The following NLGN1 variants were observed in gnomAD, a reference collection of about 807,000 sequenced individuals.
The protein encoded by NLGN1 is neuroligin 1.
NLGN1 carries 12 observed loss-of-function variants against 65.5 expected under a neutral mutation model. That is an observed-to-expected ratio of 0.18 (90% CI 0.12 to 0.30). The LOEUF is 0.30. Ranked by LOEUF, NLGN1 falls within the 10% of genes least tolerant of loss-of-function variation. NLGN1 has a pLI of 1.00. For synonymous variants in NLGN1, 350 were observed against 359.5 expected, an observed-to-expected ratio of 0.97 and a Z score of 0.30; for missense variants, 750 against 1,007.1, an observed-to-expected ratio of 0.74 and a Z score of 3.46.
At chr3:174,022,222 G>C (rs538919016) in intron 4 of NLGN1, among the ~76,000 whole-genome samples, 15 of 152,260 alleles carry the variant, frequency 9.9e-5, no homozygotes, top group Non-Finnish European at 1.9e-4. Flanking sequence ...TCTCTCTTCA[G>C]TCTGAATAAA....
chr3:173,803,639 A>T (rs1385326114), intron 3 of NLGN1, among the ~76,000 whole-genome samples: 1 of 150,190 alleles, frequency 6.7e-6, no homozygotes, highest in East Asian at 2.0e-4. Context: ...TTTATATACT[A>T]TATAGTTCAA....
chr3:174,167,514 A>G (rs1727716936), intron 4 of NLGN1, among the ~76,000 whole-genome samples: 1 of 150,338 alleles, frequency 6.7e-6, no homozygotes, highest in South Asian at 2.1e-4. Flanking sequence ...TATTCTCGCA[A>G]TCTCTCTTGG....
chr3:173,510,570 G>A (rs889120587), intron 2 of NLGN1, among the ~76,000 whole-genome samples: 1 of 152,184 alleles, frequency 6.6e-6, no homozygotes, highest in Non-Finnish European at 1.5e-5. Context: ...TGTTGGAAAT[G>A]TATTAATTAT....
Position 173,625,091 on chromosome 3 carries a change from A to G in NLGN1, c.493+20000A>G, listed in dbSNP as rs186706357. On this transcript the variant is annotated intron_variant, in intron 3 of 6. Transcript: ENST00000457714. ...GTCCTCAATTGTTTCTGGATTTACT[A>G]TAATACATTTAAACAGTACTTAGCT... 1.6e-3 allele frequency among the ~76,000 whole-genome samples: 237 copies of G among 152,248 alleles called. 2 individuals are homozygous for G. In the Middle Eastern group the frequency reaches 0.031, roughly 20 times the overall value.
chr3:173,429,864 C>T (rs545281195), intron 1 of NLGN1, among the ~76,000 whole-genome samples: 43 of 152,262 alleles, frequency 2.8e-4, no homozygotes, highest in African/African-American at 9.6e-4. Context: ...CCCTGAAGTA[C>T]CTCCCCTAAA....
At chr3:173,513,055 T>C (rs1263445787) in intron 2 of NLGN1, among the ~76,000 whole-genome samples, 1 of 152,140 alleles carries the variant, frequency 6.6e-6, no homozygotes, top group Non-Finnish European at 1.5e-5. Context: ...CTAGGAAAAC[T>C]AGAGGAAGCT....
Position 173,806,727 on chromosome 3 carries a change from G to A in NLGN1, c.494-953G>A, listed in dbSNP as rs1046776324. Among the ~76,000 whole-genome samples, 8 of 152,056 alleles carry A rather than the reference G, an allele frequency of 5.3e-5. No individual in the cohort carries two copies. In the East Asian group the frequency reaches 9.7e-4, roughly 18 times the overall value. ...CATTTTTCATACTGATTAAAATTAT[G>A]TTATGTTTATTTATATATTATTTCT... On this transcript the variant is annotated intron_variant, in intron 3 of 6. Transcript: ENST00000457714.
intron 1 of NLGN1, among the ~76,000 whole-genome samples, chr3:173,413,877 A>G (rs1713121713): frequency 6.6e-6 from 1 of 152,104 alleles, no homozygotes; most frequent in Admixed American, 6.5e-5. Flanking sequence ...AAAGAACAAG[A>G]AAGGAAGCAG....
intron 4 of NLGN1, among the ~76,000 whole-genome samples, chr3:173,891,234 A>G (rs767155749): frequency 2.0e-5 from 3 of 152,186 alleles, no homozygotes; most frequent in Non-Finnish European, 4.4e-5. Flanking sequence ...TGAATTATTG[A>G]TCATGTGCAA....
chr3:173,407,132 C>T (rs1323565144), intron 1 of NLGN1, among the ~76,000 whole-genome samples: 2 of 152,064 alleles, frequency 1.3e-5, no homozygotes, highest in Non-Finnish European at 2.9e-5. Context: ...AGTCTCAGAT[C>T]ATTAAATAGA....
At chr3:173,572,165 C>A (rs985570763) in intron 2 of NLGN1, among the ~76,000 whole-genome samples, 1 of 152,160 alleles carries the variant, frequency 6.6e-6, no homozygotes, top group Non-Finnish European at 1.5e-5. Flanking sequence ...CTGTTCTTAA[C>A]CCAGGCTGCA....
At chr3:173,745,433 T>C (rs1013409834) in intron 3 of NLGN1, among the ~76,000 whole-genome samples, 5 of 152,090 alleles carry the variant, frequency 3.3e-5, no homozygotes, top group Non-Finnish European at 7.4e-5. Flanking sequence ...AATAAATTAA[T>C]TAGCTTATAT....
At chr3:173,921,620 T>G (rs1295383013) in intron 4 of NLGN1, among the ~76,000 whole-genome samples, 1 of 152,082 alleles carries the variant, frequency 6.6e-6, no homozygotes, top group Non-Finnish European at 1.5e-5. Flanking sequence ...TTACCCTCAT[T>G]GAAGGAAACA....
At chr3:174,220,042 C>G (rs1738349272) in intron 4 of NLGN1, among the ~76,000 whole-genome samples, 2 of 152,010 alleles carry the variant, frequency 1.3e-5, no homozygotes, top group African/African-American at 4.8e-5. Context: ...ATGTAAGGCT[C>G]TGGCAATCAG....
intron 4 of NLGN1, among the ~76,000 whole-genome samples, chr3:174,091,563 A>G (rs1239838975): frequency 6.6e-6 from 1 of 152,240 alleles, no homozygotes. Flanking sequence ...CGAAGAGGTC[A>G]TGCTGCAGCT....
intron 4 of NLGN1, among the ~76,000 whole-genome samples, chr3:174,239,893 C>T (rs1344576669): frequency 6.6e-6 from 1 of 151,972 alleles, no homozygotes; most frequent in Non-Finnish European, 1.5e-5. Flanking sequence ...TAATATTTTT[C>T]CTTTTAAAAA....
chr3:173,452,957 A>G lies in NLGN1; in HGVS notation c.-321+17879A>G, dbSNP rs376562644. 4.3e-4 allele frequency among the ~76,000 whole-genome samples: 66 copies of G among 152,280 alleles called. 1 individual carries two copies. The Middle Eastern group carries it at 0.014, about 31-fold the overall frequency. On this transcript the variant is annotated intron_variant, in intron 2 of 6. Coordinates refer to ENST00000457714, the Ensembl canonical transcript of NLGN1. The stretch of plus-strand genomic sequence containing the variant: ...CCTTAATTAAAAATATTTTATTGCT[A>G]AACAGTACTAATGATCACTGGAAAC...
intron 2 of NLGN1, among the ~76,000 whole-genome samples, chr3:173,567,740 T>C (rs376921133): frequency 1.3e-5 from 2 of 152,042 alleles, no homozygotes; most frequent in African/African-American, 4.8e-5. Context: ...TATTTCCACA[T>C]ACAGGTTTTC....
chr3:173,763,223 A>G (rs1410091986), intron 3 of NLGN1, among the ~76,000 whole-genome samples: 1 of 152,080 alleles, frequency 6.6e-6, no homozygotes, highest in Non-Finnish European at 1.5e-5. Context: ...GATTTATTTA[A>G]TGAACATCAT....
Sources: allele counts gnomAD v4.1 joint callset (sites outside exome capture counted in the v4.1 genomes callset), GRCh38; gene constraint gnomAD v4.1.1; transcripts MANE v1.5; gene names NCBI Gene and HGNC (gene_info 2026-07-23, HGNC 2026-07-21).